The following INTS7 variants were observed in gnomAD, a reference collection of about 807,000 sequenced individuals.
The protein encoded by INTS7 is integrator complex subunit 7, also known as chromosome 1 open reading frame 73.
Under a neutral mutation model 109.2 loss-of-function variants are expected in INTS7, and 46 were observed. That is an observed-to-expected ratio of 0.42 (90% CI 0.33 to 0.54). INTS7 has a LOEUF of 0.54. Among genes scored for constraint, INTS7 ranks in the 20% least tolerant of loss-of-function variants. The probability of loss-of-function intolerance (pLI) is 0.07; values close to 1 mark genes in which losing one functional copy is unlikely to be tolerated. For synonymous variants in INTS7, 412 were observed against 402.9 expected, an observed-to-expected ratio of 1.02 and a Z score of -0.27; for missense variants, 929 against 1,132.4, an observed-to-expected ratio of 0.82 and a Z score of 2.58.
At chr1:211,948,957 G>C (rs1662964826) in intron 17 of INTS7, among the ~76,000 whole-genome samples, 1 of 152,212 alleles carries the variant, frequency 6.6e-6, no homozygotes, top group Non-Finnish European at 1.5e-5. Context: ...CACCCGCCTT[G>C]GCCTCCCAAA....
At position 211,946,513 on chromosome 1, in the gene INTS7, G is replaced by A. The variant is rs758239087; in HGVS notation, c.2415+94C>T. The A allele has an allele frequency of 2.8e-6, 2 of 721,564 alleles. No homozygotes were observed. The highest frequency in any genetic ancestry group is 1.8e-5 in the African/African-American group (1 of 55,190). 44.7% of individuals were successfully genotyped at this position (721,564 alleles called of 1,614,324 possible). On this transcript the variant is annotated intron_variant, in intron 18 of 19. Transcript: ENST00000366994. This position sits in a 1 kb window ranked among gnomAD's most constrained non-coding sequence, Gnocchi z 4.3. ...AAAACAAAAAAACCAATAAACCAAA[G>A]GTAACACACTGAAGTGTAGCTATGT...
At chr1:211,955,215 A>C (rs1280673493) in intron 16 of INTS7, among the ~76,000 whole-genome samples, 2 of 152,134 alleles carry the variant, frequency 1.3e-5, no homozygotes, top group Non-Finnish European at 2.9e-5. Context: ...GGTGTATAAG[A>C]ATGCTTGTGA....
rs1664957035 is a variant in INTS7 at position 211,987,757 on chromosome 1, C to T, written c.997+129G>A. 1.5e-5 allele frequency: 7 copies of T among 471,176 alleles called. No homozygotes were observed. The South Asian group carries it at 3.3e-4, about 22-fold the overall frequency. The allele number at this position is 471,176 out of a possible 1,614,324, so 29.2% of individuals were successfully genotyped here. Reference sequence around the variant, plus strand: ...TAAGAAATCATGTTCAAATAAATCACTAGCATGCAATGGAGTATGAGATTT... The same window carrying T: ...TAAGAAATCATGTTCAAATAAATCATTAGCATGCAATGGAGTATGAGATTT... On this transcript the variant is annotated intron_variant, in intron 8 of 19. Transcript: ENST00000366994.
At chr1:211,965,731 G>A (rs572101212) in intron 16 of INTS7, among the ~76,000 whole-genome samples, 39 of 152,284 alleles carry the variant, frequency 2.6e-4, no homozygotes, top group African/African-American at 8.9e-4. Context: ...ACTTAGAAGT[G>A]GGAGATAAAT....
At chr1:211,975,957 G>GT (rs5780669) in intron 12 of INTS7, among the ~76,000 whole-genome samples, 2 of 150,544 alleles carry the variant, frequency 1.3e-5, no homozygotes, top group African/African-American at 2.4e-5. Flanking sequence ...TATCCCCAAG[G>GT]TTTTTTTTTT....
Position 212,035,345 on chromosome 1 carries a change from T to A in INTS7, c.93A>T (p.Lys31Asn). The A allele has an allele frequency of 6.2e-7, 1 of 1,604,036 alleles. No individual in the cohort carries two copies. Among genetic ancestry groups the A allele is most frequent in the Non-Finnish European group, 8.5e-7 (1 of 1,170,796 alleles). The change falls in exon 1 of 20, where the codon AAA becomes AAT. Residue 31 changes from lysine (K) to asparagine (N), a missense_variant and splice_region_variant. By Grantham distance (94) the Lys-to-Asn change is moderately conservative. Around this residue, in one of 2 missense-constraint regions of INTS7, gnomAD observed 142 missense variants for 231.4 expected, o/e 0.61. Transcript: ENST00000366994. The stretch of plus-strand genomic sequence containing the variant: ...CATTCAGCCCTCTCTTTCGAATACC[T>A]TTGTCCAATTCCATAAGGGCAGAGT... The part of the protein sequence containing the change: ...DANSALMELD[K>N]GLRSGKLGEQ...
chr1:211,999,151 G>C (rs540350611), intron 7 of INTS7, among the ~76,000 whole-genome samples: 42 of 152,320 alleles, frequency 2.8e-4, no homozygotes, highest in Non-Finnish European at 5.0e-4. Context: ...TTAACCAAGA[G>C]ATGTCACACA....
At chr1:211,981,761 A>G (rs1327818010) in intron 9 of INTS7, among the ~76,000 whole-genome samples, 1 of 152,170 alleles carries the variant, frequency 6.6e-6, no homozygotes, top group Non-Finnish European at 1.5e-5. Context: ...ATTTCTCTGA[A>G]GGTTTTAGAA....
chr1:211,953,622 C>T (rs1371770123), intron 16 of INTS7, among the ~76,000 whole-genome samples: 3 of 146,230 alleles, frequency 2.1e-5, no homozygotes, highest in Non-Finnish European at 3.0e-5. Flanking sequence ...CATTGTTCAA[C>T]TCCCACCTAT....
chr1:211,967,378 G>C (rs574981114), intron 15 of INTS7, among the ~76,000 whole-genome samples: 2 of 150,408 alleles, frequency 1.3e-5, no homozygotes, highest in African/African-American at 2.4e-5. Flanking sequence ...CTTGAACCCA[G>C]GAGGCAGAGG....
chr1:211,994,174 T>G (rs1018914557), intron 7 of INTS7, among the ~76,000 whole-genome samples: 2 of 152,152 alleles, frequency 1.3e-5, no homozygotes, highest in African/African-American at 2.4e-5. Flanking sequence ...TTGGTAATTG[T>G]AAAATAATGA....
chr1:211,960,287 T>G (rs1385692329), intron 16 of INTS7, among the ~76,000 whole-genome samples: 1 of 150,762 alleles, frequency 6.6e-6, no homozygotes, highest in Admixed American at 6.6e-5. Flanking sequence ...TCAAATAGGA[T>G]TAAAAAAAAA....
intron 13 of INTS7, among the ~76,000 whole-genome samples, chr1:211,972,085 G>A (rs572330003): frequency 8.6e-5 from 13 of 151,858 alleles, no homozygotes; most frequent in South Asian, 6.2e-4. Flanking sequence ...TTCTCTTTAG[G>A]AGACAGTGTC....
In INTS7 at chr1:211,941,939, G is replaced by C. The variant is rs1196476510; in HGVS notation, c.2774C>G (p.Thr925Ser). 1 of 1,614,026 alleles carries C rather than the reference G, an allele frequency of 6.2e-7. No homozygotes were observed. The highest frequency in any genetic ancestry group is 8.5e-7 in the Non-Finnish European group (1 of 1,180,028). Residue 925 changes from threonine (T) to serine (S), a missense_variant, in exon 20 of 20, where the codon ACC becomes AGC. Coordinates refer to ENST00000366994, the MANE Select transcript of INTS7 (RefSeq NM_015434.4). ...GTCTTCCAGGGATTTTACAAATATG[G>C]TAGTTCTGGGACCAGTCTTCCATAC... Reference protein sequence around the residue: ...GIVWKTGPRTTIFVKSLEDPY... With the variant: ...GIVWKTGPRTSIFVKSLEDPY...
rs767388212 is a variant in INTS7 at position 211,982,808 on chromosome 1, T to C, written c.1000A>G (p.Asn334Asp). The C allele has an allele frequency of 1.2e-6, 2 of 1,601,960 alleles. No homozygotes were observed. The highest frequency in any genetic ancestry group is 1.7e-6 in the Non-Finnish European group (2 of 1,173,834). The change falls in exon 9 of 20, where the codon AAT (asparagine) becomes GAT (aspartate). Residue 334 changes from asparagine (N) to aspartate (D), a missense_variant and splice_region_variant. Physicochemically the swap from Asn to Asp is conservative, Grantham distance 23. Transcript: ENST00000366994. ...IKHYFSIVPG[N>D]VSSSPRSSDL... ...GAAGATCTGGGAGAAGAACTCACAT[T>C]TCCTAAAAAAGCAGAGAAAAGTAGT...
intron 1 of INTS7, among the ~76,000 whole-genome samples, chr1:212,021,826 C>G (rs1369428428): frequency 6.6e-6 from 1 of 151,884 alleles, no homozygotes; most frequent in African/African-American, 2.4e-5. Flanking sequence ...CCAGCCTGGG[C>G]AGCAGTGCAA....
chr1:212,004,912 A>G (rs1288029768), intron 7 of INTS7, among the ~76,000 whole-genome samples: 1 of 152,228 alleles, frequency 6.6e-6, no homozygotes, highest in African/African-American at 2.4e-5. Flanking sequence ...TACGGATGTG[A>G]TTAATGGACG....
chr1:211,997,573 G>T (rs1327824198), intron 7 of INTS7, among the ~76,000 whole-genome samples: 1 of 146,492 alleles, frequency 6.8e-6, no homozygotes, highest in Non-Finnish European at 1.5e-5. Context: ...CCATGTTCAT[G>T]GATCAAAAAA....
At chr1:211,994,236 G>A (rs1665270377) in intron 7 of INTS7, among the ~76,000 whole-genome samples, 1 of 152,224 alleles carries the variant, frequency 6.6e-6, no homozygotes, top group South Asian at 2.1e-4. Context: ...GTAATTGTGA[G>A]TAAAATTCAA....
Sources: allele counts gnomAD v4.1 joint callset (sites outside exome capture counted in the v4.1 genomes callset), GRCh38; gene constraint gnomAD v4.1.1; regional missense constraint gnomAD v4.1.1; non-coding constraint Gnocchi (gnomAD v3.1); transcripts MANE v1.5; gene names NCBI Gene and HGNC (gene_info 2026-07-23, HGNC 2026-07-21).